The following GULP1 variants were observed in gnomAD, a reference collection of about 807,000 sequenced individuals.
GULP1 encodes the protein PTB domain-containing engulfment adapter protein 1.
A neutral mutation model predicts 40.9 loss-of-function variants in GULP1; 19 were observed. That is an observed-to-expected ratio of 0.46 (90% confidence interval 0.32 to 0.68). The LOEUF is 0.68. Among genes scored for constraint, GULP1 ranks in the 30% least tolerant of loss-of-function variants. GULP1 has a pLI of 0.03. For synonymous variants in GULP1, 119 were observed against 117.6 expected, an observed-to-expected ratio of 1.01 and a Z score of -0.08; for missense variants, 312 against 362.2, an observed-to-expected ratio of 0.86 and a Z score of 1.12.
chr2:188,507,396 C>CTTT (rs5837091), intron 4 of GULP1, among the ~76,000 whole-genome samples: 1 of 103,524 alleles, frequency 9.7e-6, no homozygotes, highest in African/African-American at 3.6e-5. Flanking sequence ...CATTTGTTTT[C>CTTT]TTTTTTTTTT....
rs1441209488 is a variant in GULP1, at chr2:188,587,917, C to T, written c.811C>T (p.Pro271Ser). ...PFNCGAADFP[P>S]DIQSKLDEMQ... ...TAACTGTGGAGCAGCAGATTTCCCT[C>T]CAGATATTCAATCAAAATTAGATGA... is the stretch of plus-strand genomic sequence containing the variant. The change falls in exon 11 of 12, where the codon CCA becomes TCA. Residue 271 changes from proline to serine, a missense_variant. Coordinates refer to ENST00000409830, the MANE Select transcript of GULP1 (RefSeq NM_016315.4). 5 of 1,606,170 alleles carry T rather than the reference C, an allele frequency of 3.1e-6. No individual in the cohort carries two copies. The South Asian group carries it at 5.5e-5, about 18-fold the overall frequency.
chr2:188,301,040 G>T (rs2036040094), intron 1 of GULP1, among the ~76,000 whole-genome samples: 1 of 151,934 alleles, frequency 6.6e-6, no homozygotes, highest in South Asian at 2.1e-4. Context: ...TTAGAGACAG[G>T]GTCTCACTCT....
intron 2 of GULP1, among the ~76,000 whole-genome samples, chr2:188,400,680 AG>A (rs1259450233): frequency 1.3e-5 from 2 of 152,202 alleles, no homozygotes; most frequent in Non-Finnish European, 2.9e-5. Flanking sequence ...GGAAGAAAAA[AG>A]CTAGCTAGGA....
intron 1 of GULP1, among the ~76,000 whole-genome samples, chr2:188,314,008 A>G (rs1034391009): frequency 3.9e-5 from 6 of 151,950 alleles, no homozygotes; most frequent in Admixed American, 6.6e-5. Flanking sequence ...AAATTAAAAA[A>G]AAAACAAAAT....
intron 2 of GULP1, among the ~76,000 whole-genome samples, chr2:188,444,540 A>G (rs2152885039): frequency 6.6e-6 from 1 of 152,326 alleles, no homozygotes; most frequent in Admixed American, 6.5e-5. Flanking sequence ...ATTGGAAAAT[A>G]TGACTCCTTC....
chr2:188,468,151 T>A (rs1468837401), intron 2 of GULP1, among the ~76,000 whole-genome samples: 1 of 152,122 alleles, frequency 6.6e-6, no homozygotes, highest in East Asian at 1.9e-4. Flanking sequence ...ATTTCTTTTG[T>A]TTAGTAGAAC....
chr2:188,533,729 A>G (rs113333484), intron 6 of GULP1, among the ~76,000 whole-genome samples: 3 of 152,344 alleles, frequency 2.0e-5, no homozygotes, highest in African/African-American at 7.2e-5. Flanking sequence ...CAAACTATGC[A>G]TTTAACAAAC....
chr2:188,307,270 A>G (rs971026430), intron 1 of GULP1, among the ~76,000 whole-genome samples: 22 of 152,314 alleles, frequency 1.4e-4, no homozygotes, highest in African/African-American at 5.3e-4. Context: ...AGGTAGAACA[A>G]CTTCAACGTA....
At chr2:188,562,755 G>T (rs1696636700) in intron 7 of GULP1, among the ~76,000 whole-genome samples, 1 of 152,074 alleles carries the variant, frequency 6.6e-6, no homozygotes, top group Non-Finnish European at 1.5e-5. Flanking sequence ...AATGCACATG[G>T]AATGTTTACA....
At chr2:188,518,804 A>T (rs1450844145) in intron 4 of GULP1, among the ~76,000 whole-genome samples, 1 of 152,078 alleles carries the variant, frequency 6.6e-6, no homozygotes, top group Non-Finnish European at 1.5e-5. Flanking sequence ...TCTTTTTTTC[A>T]TCTCTTACTG....
At chr2:188,317,401 T>A (rs1448246809) in intron 1 of GULP1, among the ~76,000 whole-genome samples, 1 of 152,172 alleles carries the variant, frequency 6.6e-6, no homozygotes. Context: ...GGGATTTTGA[T>A]TGATGATCTG....
At chr2:188,479,696 CTCCTT>C (rs2061302530) in intron 3 of GULP1, among the ~76,000 whole-genome samples, 1 of 151,942 alleles carries the variant, frequency 6.6e-6, no homozygotes, top group African/African-American at 2.4e-5. Flanking sequence ...GCTTATAATC[CTCCTT>C]TCCTATCACT....
At chr2:188,500,057 T>G (rs1452373700) in intron 4 of GULP1, among the ~76,000 whole-genome samples, 1 of 151,862 alleles carries the variant, frequency 6.6e-6, no homozygotes, top group Admixed American at 6.6e-5. Flanking sequence ...GATTAAGAGC[T>G]ACTTCAATAC....
At chr2:188,586,341 G>A (rs914821494) in intron 10 of GULP1, among the ~76,000 whole-genome samples, 2 of 152,158 alleles carry the variant, frequency 1.3e-5, no homozygotes, top group African/African-American at 4.8e-5. Context: ...CATGTTTGAA[G>A]CAGAACCTTT....
chr2:188,379,869 G>A (rs2048790592), intron 1 of GULP1, among the ~76,000 whole-genome samples: 1 of 152,046 alleles, frequency 6.6e-6, no homozygotes, highest in South Asian at 2.1e-4. Flanking sequence ...TTTGCCATCC[G>A]TGGCTTTCCC....
At chr2:188,591,945 T>C (rs577892869) in intron 11 of GULP1, 10 of 151,908 alleles carry the variant, frequency 6.6e-5, no homozygotes, top group African/African-American at 2.4e-4. Flanking sequence ...GTAAATAAAG[T>C]CTCATTTTTA....
intron 4 of GULP1, among the ~76,000 whole-genome samples, chr2:188,518,899 T>TA: frequency 6.6e-6 from 1 of 152,284 alleles, no homozygotes. Context: ...AAGGCAGAAA[T>TA]TAGGGGACTT....
chr2:188,556,536 T>C (rs931095693), intron 7 of GULP1, among the ~76,000 whole-genome samples: 2 of 152,202 alleles, frequency 1.3e-5, no homozygotes, highest in South Asian at 2.1e-4. Context: ...ATCTGGGATT[T>C]TGGGAATTTC....
intron 2 of GULP1, among the ~76,000 whole-genome samples, chr2:188,393,574 A>T (rs1178261352): frequency 6.6e-6 from 1 of 152,062 alleles, no homozygotes; most frequent in South Asian, 2.1e-4. Flanking sequence ...TTTATGTTCA[A>T]TGTTAATATT....
Sources: allele counts gnomAD v4.1 joint callset (sites outside exome capture counted in the v4.1 genomes callset), GRCh38; gene constraint gnomAD v4.1.1; transcripts MANE v1.5; gene names NCBI Gene and HGNC (gene_info 2026-07-23, HGNC 2026-07-21).